Variants in ERBB4 observed in about 807,000 individuals in gnomAD.
The protein encoded by ERBB4 is erb-b2 receptor tyrosine kinase 4, also known as receptor tyrosine-protein kinase erbB-4.
In ERBB4, 42 loss-of-function variants were observed where a neutral mutation model predicts 158.0. The observed-to-expected ratio is 0.27, with a 90% confidence interval of 0.21 to 0.34. The LOEUF (loss-of-function observed/expected upper bound fraction) is 0.34, where lower values mean the gene tolerates loss of function less well. Among genes scored for constraint, ERBB4 ranks in the 10% least tolerant of loss-of-function variants. The pLI is 1.00. For synonymous variants in ERBB4, 583 were observed against 558.7 expected, an observed-to-expected ratio of 1.04 and a Z score of -0.61; for missense variants, 1,333 against 1,624.1, an observed-to-expected ratio of 0.82 and a Z score of 3.08.
At chr2:212,182,888 T>TG (rs1553582919) in intron 1 of ERBB4, among the ~76,000 whole-genome samples, 7 of 151,176 alleles carry the variant, frequency 4.6e-5, no homozygotes, top group African/African-American at 1.7e-4. Context: ...GGTTTTTTTT[T>TG]ATTGATTTTT....
At chr2:211,582,409 T>C (rs1468261442) in intron 19 of ERBB4, among the ~76,000 whole-genome samples, 1 of 152,188 alleles carries the variant, frequency 6.6e-6, no homozygotes, top group Non-Finnish European at 1.5e-5. Flanking sequence ...ATTTTAAGGA[T>C]TGGATGGCCG....
chr2:212,321,127 A>G lies in ERBB4; in HGVS notation c.83-196224T>C, dbSNP rs1386111921. Among the ~76,000 whole-genome samples, 2 of 150,366 alleles carry G rather than the reference A, an allele frequency of 1.3e-5. 1 individual carries two copies. Among genetic ancestry groups the G allele is most frequent in the Non-Finnish European group, 3.0e-5 (2 of 67,070 alleles). On this transcript the variant is annotated intron_variant, in intron 1 of 27. Transcript: ENST00000342788. Reference sequence around the variant, plus strand: ...TTAAATAAAATTTGTGGGCTACTACAAAAAGGTGCTCTTTTACTAATACTG... The same window carrying G: ...TTAAATAAAATTTGTGGGCTACTACGAAAAGGTGCTCTTTTACTAATACTG...
At chr2:211,800,659 T>TAAAAAAAA (rs35946148) in intron 3 of ERBB4, among the ~76,000 whole-genome samples, 1 of 128,594 alleles carries the variant, frequency 7.8e-6, no homozygotes, top group Non-Finnish European at 1.7e-5. Flanking sequence ...AACTGTGCGT[T>TAAAAAAAA]AAAAAAAAAA....
intron 27 of ERBB4, among the ~76,000 whole-genome samples, chr2:211,385,493 A>G (rs1317594220): frequency 6.6e-6 from 1 of 152,096 alleles, no homozygotes; most frequent in African/African-American, 2.4e-5. Context: ...GCTTAGTAAC[A>G]AGTTTTAATT....
At chr2:212,246,335 AAT>A (rs1253540447) in intron 1 of ERBB4, among the ~76,000 whole-genome samples, 8 of 152,244 alleles carry the variant, frequency 5.3e-5, no homozygotes, top group Admixed American at 5.2e-4. Flanking sequence ...CCACATGACT[AAT>A]AAATGTGCAT....
At chr2:211,850,769 C>T (rs2077699068) in intron 3 of ERBB4, among the ~76,000 whole-genome samples, 1 of 151,870 alleles carries the variant, frequency 6.6e-6, no homozygotes, top group Admixed American at 6.6e-5. Context: ...ATGGCTTAGT[C>T]ATCAAGAATT....
chr2:212,326,547 T>C (rs1005989501), intron 1 of ERBB4, among the ~76,000 whole-genome samples: 5 of 150,852 alleles, frequency 3.3e-5, no homozygotes, highest in African/African-American at 1.2e-4. Flanking sequence ...TTACATATTT[T>C]CGCATCACAT....
intron 2 of ERBB4, among the ~76,000 whole-genome samples, chr2:212,077,890 T>C (rs1394961421): frequency 1.3e-5 from 2 of 152,098 alleles, no homozygotes; most frequent in African/African-American, 4.8e-5. Flanking sequence ...GCTGGGTATC[T>C]TTTCTGTCTT....
chr2:212,256,951 T>C (rs766273392), intron 1 of ERBB4, among the ~76,000 whole-genome samples: 2 of 152,192 alleles, frequency 1.3e-5, no homozygotes, highest in African/African-American at 2.4e-5. Context: ...AGGGGGTGCA[T>C]GTGCAGGTTT....
intron 12 of ERBB4, among the ~76,000 whole-genome samples, chr2:211,685,046 T>C (rs576503101): frequency 8.9e-4 from 136 of 152,368 alleles, no homozygotes; most frequent in African/African-American, 2.8e-3. Flanking sequence ...AACAACTATC[T>C]GATTTGAATA....
chr2:211,556,147 G>T (rs759821073), intron 20 of ERBB4, among the ~76,000 whole-genome samples: 1 of 151,992 alleles, frequency 6.6e-6, no homozygotes, highest in African/African-American at 2.4e-5. Context: ...TCTAATTTCA[G>T]AAAAAATAGA....
At position 211,522,916 on chromosome 2, in the gene ERBB4, A is replaced by C. The variant is rs147005121; in HGVS notation, c.2487+38987T>G. ...CTTGCTTTATTACAGCATTCACTTT[A>C]TTGAAGTGATCTGGAGCTGAACCCA... is the stretch of plus-strand genomic sequence containing the variant. On this transcript the variant is annotated intron_variant, in intron 20 of 27. Transcript: ENST00000342788. Among the ~76,000 whole-genome samples the C allele has an allele frequency of 6.6e-5, 10 of 152,032 alleles. No individual in the cohort carries two copies. In the East Asian group the frequency reaches 2.0e-3, roughly 30 times the overall value.
intron 3 of ERBB4, among the ~76,000 whole-genome samples, chr2:211,837,696 T>C (rs1424910039): frequency 6.6e-6 from 1 of 152,028 alleles, no homozygotes; most frequent in Non-Finnish European, 1.5e-5. Flanking sequence ...GAAATACTAA[T>C]CGAGTTTGTG....
At chr2:211,827,610 A>AATGTC (rs1175326931) in intron 3 of ERBB4, among the ~76,000 whole-genome samples, 1 of 151,900 alleles carries the variant, frequency 6.6e-6, no homozygotes, top group African/African-American at 2.4e-5. Context: ...TTAATGAAAA[A>AATGTC]ATGTCAAAAA....
At chr2:211,810,643 C>T (rs1160045309) in intron 3 of ERBB4, among the ~76,000 whole-genome samples, 1 of 150,486 alleles carries the variant, frequency 6.6e-6, no homozygotes, top group Admixed American at 6.6e-5. Flanking sequence ...GACTCTTTAT[C>T]CAATTTGCCA....
chr2:212,097,075 A>C (rs1444990538), intron 2 of ERBB4, among the ~76,000 whole-genome samples: 1 of 152,200 alleles, frequency 6.6e-6, no homozygotes, highest in Non-Finnish European at 1.5e-5. Context: ...ATGTTTATTT[A>C]GTACATACAG....
chr2:211,997,147 G>A (rs971860134), intron 2 of ERBB4, among the ~76,000 whole-genome samples: 10 of 152,010 alleles, frequency 6.6e-5, no homozygotes, highest in African/African-American at 1.4e-4. Flanking sequence ...CCCGTTTGCC[G>A]GATTAACTGC....
chr2:211,751,637 G>A (rs2075133047), intron 4 of ERBB4, among the ~76,000 whole-genome samples: 1 of 152,062 alleles, frequency 6.6e-6, no homozygotes, highest in African/African-American at 2.4e-5. Context: ...CCCATTTAAA[G>A]TGTTTAACAA....
At chr2:211,988,268 C>T (rs2081987136) in intron 2 of ERBB4, among the ~76,000 whole-genome samples, 1 of 151,992 alleles carries the variant, frequency 6.6e-6, no homozygotes, top group Non-Finnish European at 1.5e-5. Flanking sequence ...ACAAAGAGTA[C>T]TTAAGTTCAA....
Sources: gnomAD v4.1 joint callset for allele counts (sites outside exome capture counted in the v4.1 genomes callset) on GRCh38, gnomAD v4.1.1 for gene constraint, MANE v1.5 for transcripts, NCBI Gene and HGNC (gene_info 2026-07-23, HGNC 2026-07-21) for gene names.